VAX2: variants seen among roughly 807,000 people sequenced by gnomAD.
VAX2 encodes ventral anterior homeobox 2.
In VAX2, 8 loss-of-function variants were observed where a neutral mutation model predicts 12.5. That is an observed-to-expected ratio of 0.64 (90% CI 0.37 to 1.15). The LOEUF (loss-of-function observed/expected upper bound fraction) is 1.15, where lower values mean the gene tolerates loss of function less well. VAX2 is among the 50% of genes most tolerant of loss of function. The probability of loss-of-function intolerance (pLI) is 0.01; values close to 1 mark genes in which losing one functional copy is unlikely to be tolerated. For missense variants in VAX2, 476 were observed against 412.9 expected (o/e 1.15, Z -1.32); for synonymous variants, 183 against 187.6 (o/e 0.98, Z 0.20).
In VAX2 at chr2:70,932,783, A is replaced by G. The variant is rs1553414517; in HGVS notation, c.452A>G (p.Gln151Arg). 6.4e-7 allele frequency: 1 copy of G among 1,551,626 alleles called. No homozygotes were observed. The highest frequency in any genetic ancestry group is 8.7e-7 in the Non-Finnish European group (1 of 1,147,634). Residue 151 changes from glutamine (Q) to arginine (R), a missense_variant, in exon 3 of 3, where the codon CAG becomes CGG. By Grantham distance (43) the Gln-to-Arg change is conservative. Transcript: ENST00000234392. ...LSETQVKVWF[Q>R]NRRTKQKKDQ... ...CACCCCAAGGTGAAGGTCTGGTTCC[A>G]GAACCGCCGCACCAAGCAGAAGAAA...
intron 1 of VAX2, among the ~76,000 whole-genome samples, chr2:70,915,519 C>G (rs1472268853): frequency 6.6e-6 from 1 of 152,094 alleles, no homozygotes; most frequent in Non-Finnish European, 1.5e-5. Context: ...CGTGAGCCAC[C>G]ACGCCTAGCC....
At chr2:70,905,518 G>A (rs1324946317) in intron 1 of VAX2, among the ~76,000 whole-genome samples, 6 of 151,328 alleles carry the variant, frequency 4.0e-5, no homozygotes, top group Non-Finnish European at 5.9e-5. Context: ...CCAGCAACCC[G>A]AAAAATCATC....
intron 2 of VAX2, among the ~76,000 whole-genome samples, chr2:70,930,882 C>T (rs782798315): frequency 1.9e-4 from 29 of 152,232 alleles, no homozygotes; most frequent in African/African-American, 5.1e-4. Flanking sequence ...CCCTCCCTGC[C>T]GGTACACCTG....
intron 1 of VAX2, among the ~76,000 whole-genome samples, chr2:70,906,990 C>A (rs1416956206): frequency 6.6e-6 from 1 of 152,218 alleles, no homozygotes; most frequent in Non-Finnish European, 1.5e-5. Flanking sequence ...ATAAATACTT[C>A]TCGAATAACT....
chr2:70,906,028 C>T (rs540274136), intron 1 of VAX2, among the ~76,000 whole-genome samples: 2 of 152,300 alleles, frequency 1.3e-5, no homozygotes, highest in Non-Finnish European at 2.9e-5. Context: ...TTGCTCCTTG[C>T]TTAATATAAA....
At chr2:70,923,162 G>A (rs76710455) in intron 2 of VAX2, among the ~76,000 whole-genome samples, 4,310 of 152,236 alleles carry the variant, frequency 0.028, 71 homozygotes, top group Admixed American at 0.053. Context: ...AACACAGCTG[G>A]ACACATAGTA....
intron 2 of VAX2, among the ~76,000 whole-genome samples, chr2:70,931,525 CCA>C (rs1207121722): frequency 6.6e-6 from 1 of 152,224 alleles, no homozygotes; most frequent in Non-Finnish European, 1.5e-5. Flanking sequence ...CTCACCATCC[CCA>C]GACAGGCATC....
intron 1 of VAX2, among the ~76,000 whole-genome samples, chr2:70,913,628 A>T (rs1200976330): frequency 6.6e-6 from 1 of 152,020 alleles, no homozygotes; most frequent in Non-Finnish European, 1.5e-5. Flanking sequence ...GTGAGCCAAG[A>T]TCACGCCACT....
chr2:70,921,050 A>G (rs781789887), intron 1 of VAX2, 48 bp from the exon 2 acceptor site: 36 of 1,489,406 alleles, frequency 2.4e-5, no homozygotes, highest in Non-Finnish European at 3.1e-5. Flanking sequence ...CTGGTGATCT[A>G]ACTCCCTAGC....
At chr2:70,918,146 C>T (rs1553412292) in intron 1 of VAX2, among the ~76,000 whole-genome samples, 1 of 152,200 alleles carries the variant, frequency 6.6e-6, no homozygotes, top group African/African-American at 2.4e-5. Flanking sequence ...ATAGGCTCTG[C>T]CCAGCAGCTT....
rs185259976 is a variant in VAX2, at chr2:70,913,951, A to G, written c.248-7147A>G. On this transcript the variant is annotated intron_variant, in intron 1 of 2. Transcript: ENST00000234392. ...CTTTCATACACTAATGTCTGTTCAC[A>G]TAGCTTATTGCCTCATTCTTTTCAA... 2.3e-3 allele frequency among the ~76,000 whole-genome samples: 346 copies of G among 152,322 alleles called. 4 individuals are homozygous for G. Among genetic ancestry groups the G allele is most frequent in the African/African-American group, 7.7e-3 (320 of 41,568 alleles).
chr2:70,902,406 T>C lies in VAX2; in HGVS notation c.247+1538T>C, dbSNP rs533320268. ...GACCTGTTGGGCACCAGGGATTAAATCCGATTTTATTCTTTAGACTGTGGG... is the reference window on the plus strand; with the variant it reads ...GACCTGTTGGGCACCAGGGATTAAACCCGATTTTATTCTTTAGACTGTGGG... On this transcript the variant is annotated intron_variant, in intron 1 of 2. Transcript: ENST00000234392. 4.9e-4 allele frequency among the ~76,000 whole-genome samples: 74 copies of C among 152,260 alleles called. 1 individual carries two copies. In the South Asian group the frequency reaches 0.015, roughly 31 times the overall value.
At chr2:70,909,632 T>C (rs1189946152) in intron 1 of VAX2, among the ~76,000 whole-genome samples, 3 of 152,076 alleles carry the variant, frequency 2.0e-5, no homozygotes, top group East Asian at 1.9e-4. Context: ...ATTACAAAAA[T>C]TGGATTTTTT....
At chr2:70,915,052 C>T (rs1174508812) in intron 1 of VAX2, among the ~76,000 whole-genome samples, 1 of 152,038 alleles carries the variant, frequency 6.6e-6, no homozygotes, top group South Asian at 2.1e-4. Context: ...CTGCCCACCT[C>T]GGCCTCCCAA....
At chr2:70,922,023 G>A (rs1679469165) in intron 2 of VAX2, among the ~76,000 whole-genome samples, 1 of 152,198 alleles carries the variant, frequency 6.6e-6, no homozygotes, top group African/African-American at 2.4e-5. Flanking sequence ...CCAAGAAGCA[G>A]ATGATGTCAT....
intron 2 of VAX2, among the ~76,000 whole-genome samples, chr2:70,921,787 T>C (rs1679464586): frequency 1.3e-5 from 2 of 151,760 alleles, no homozygotes; most frequent in South Asian, 4.2e-4. Context: ...AAAGGAGGGG[T>C]CTGCACACCC....
At chr2:70,932,132 G>A (rs1450776506) in intron 2 of VAX2, among the ~76,000 whole-genome samples, 2 of 152,208 alleles carry the variant, frequency 1.3e-5, no homozygotes, top group Non-Finnish European at 2.9e-5. Flanking sequence ...CCAGGTCAGA[G>A]AGAACAAAGG....
At chr2:70,907,673 A>G (rs1410888067) in intron 1 of VAX2, among the ~76,000 whole-genome samples, 1 of 152,262 alleles carries the variant, frequency 6.6e-6, no homozygotes, top group East Asian at 1.9e-4. Flanking sequence ...GCAGGGCCAC[A>G]CTTACAATGT....
chr2:70,927,979 C>G (rs1219892070), intron 2 of VAX2, among the ~76,000 whole-genome samples: 1 of 152,134 alleles, frequency 6.6e-6, no homozygotes, highest in East Asian at 1.9e-4. Flanking sequence ...GGCCCCGCCA[C>G]CCTGTGAAGT....
Sources: allele counts gnomAD v4.1 joint callset (sites outside exome capture counted in the v4.1 genomes callset), GRCh38; gene constraint gnomAD v4.1.1; transcripts MANE v1.5; gene names NCBI Gene and HGNC (gene_info 2026-07-23, HGNC 2026-07-21).